HNRNPA1L2: variants seen among roughly 807,000 people sequenced by gnomAD.
HNRNPA1L2 encodes the protein heterogeneous nuclear ribonucleoprotein A1-like 2.
In HNRNPA1L2, 10 loss-of-function variants were observed where a neutral mutation model predicts 18.2. The ratio of observed to expected loss-of-function variants is 0.55; its 90% CI spans 0.34 to 0.93. HNRNPA1L2 has a LOEUF of 0.93. Among genes scored for constraint, HNRNPA1L2 ranks in the 40% least tolerant of loss-of-function variants. The probability of loss-of-function intolerance (pLI) is 0.02; values close to 1 mark genes in which losing one functional copy is unlikely to be tolerated. For synonymous variants in HNRNPA1L2, 124 were observed against 138.6 expected, an observed-to-expected ratio of 0.89 and a Z score of 0.74; for missense variants, 308 against 394.4, an observed-to-expected ratio of 0.78 and a Z score of 1.85.
At chr13:52,635,345 G>A in the HNRNPA1L2 span, among the ~76,000 whole-genome samples, 1 of 151,388 alleles carries the variant, frequency 6.6e-6, no homozygotes, top group Non-Finnish European at 1.5e-5. Context: ...TACACCTCTA[G>A]CCCAGAAAGA....
chr13:52,626,649 T>C, the HNRNPA1L2 span, among the ~76,000 whole-genome samples: 1 of 152,082 alleles, frequency 6.6e-6, no homozygotes, highest in Non-Finnish European at 1.5e-5. Flanking sequence ...TCTTGTATTA[T>C]ATATACCTTC....
At chr13:52,617,709 C>A in the HNRNPA1L2 span, 6 of 435,554 alleles carry the variant, frequency 1.4e-5, no homozygotes, top group Non-Finnish European at 2.5e-5. Flanking sequence ...CTTTTGGCTC[C>A]GCAGGTCCTC....
At chr13:52,634,902 G>A in the HNRNPA1L2 span, among the ~76,000 whole-genome samples, 1 of 152,220 alleles carries the variant, frequency 6.6e-6, no homozygotes, top group Non-Finnish European at 1.5e-5. Context: ...TGAAAAAAGT[G>A]TGAGGCACAG....
upstream of HNRNPA1L2, among the ~76,000 whole-genome samples, chr13:52,638,921 C>T (rs1433242645): frequency 6.6e-6 from 1 of 152,128 alleles, no homozygotes; most frequent in African/African-American, 2.4e-5. Flanking sequence ...TTTAAAAATC[C>T]TGTCAGCTGC....
At chr13:52,630,789 TA>T in the HNRNPA1L2 span, among the ~76,000 whole-genome samples, 1 of 152,192 alleles carries the variant, frequency 6.6e-6, no homozygotes, top group African/African-American at 2.4e-5. Context: ...ATTACTAATT[TA>T]AAGTGATTTA....
chr13:52,632,853 C>G, the HNRNPA1L2 span, among the ~76,000 whole-genome samples: 18 of 152,294 alleles, frequency 1.2e-4, no homozygotes, highest in African/African-American at 3.6e-4. Context: ...AACTGTTTTC[C>G]TTGATATGTT....
At chr13:52,628,165 A>G in the HNRNPA1L2 span, among the ~76,000 whole-genome samples, 1 of 152,164 alleles carries the variant, frequency 6.6e-6, no homozygotes, top group Non-Finnish European at 1.5e-5. Flanking sequence ...AGAAATGGCC[A>G]TGTGTGGTGG....
upstream of HNRNPA1L2, among the ~76,000 whole-genome samples, chr13:52,639,886 T>TTG (rs202131736): frequency 1.1e-4 from 13 of 113,254 alleles, 1 homozygote; most frequent in African/African-American, 3.7e-4. Context: ...GTTTTTTTTT[T>TTG]TTTTTTTTTG....
chr13:52,622,954 C>G, the HNRNPA1L2 span, among the ~76,000 whole-genome samples: 1 of 151,944 alleles, frequency 6.6e-6, no homozygotes, highest in Admixed American at 6.6e-5. Flanking sequence ...ACTGACTTCC[C>G]TTATCAGAAC....
upstream of HNRNPA1L2, among the ~76,000 whole-genome samples, chr13:52,639,898 T>TTTTTTTTTTG (rs1961599227): frequency 7.3e-6 from 1 of 137,132 alleles, no homozygotes. Context: ...TTTTTTTTGT[T>TTTTTTTTTTG]TTTTTTTTTT....
chr13:52,641,052 T>A (rs1961640022), upstream of HNRNPA1L2: 1 of 152,200 alleles, frequency 6.6e-6, no homozygotes, highest in African/African-American at 2.4e-5. Context: ...CTGAACAGGG[T>A]TTACAAGGAC....
At chr13:52,620,042 T>C in the HNRNPA1L2 span, among the ~76,000 whole-genome samples, 1 of 152,160 alleles carries the variant, frequency 6.6e-6, no homozygotes, top group Non-Finnish European at 1.5e-5. Flanking sequence ...GTTTTTTCAT[T>C]CTAATTTTAA....
chr13:52,638,538 TG>T (rs1961536027), upstream of HNRNPA1L2, among the ~76,000 whole-genome samples: 1 of 152,224 alleles, frequency 6.6e-6, no homozygotes, highest in Non-Finnish European at 1.5e-5. Context: ...TTAAGATTCT[TG>T]TCTTACCACT....
At chr13:52,628,229 G>A in the HNRNPA1L2 span, among the ~76,000 whole-genome samples, 5 of 152,250 alleles carry the variant, frequency 3.3e-5, no homozygotes, top group East Asian at 9.7e-4. Context: ...GATCACTTGA[G>A]GCCAGGAATT....
the HNRNPA1L2 span, among the ~76,000 whole-genome samples, chr13:52,623,540 C>G: frequency 6.6e-6 from 1 of 152,110 alleles, no homozygotes; most frequent in South Asian, 2.1e-4. Flanking sequence ...GGCTTTGGTC[C>G]TACATCAAAA....
upstream of HNRNPA1L2, among the ~76,000 whole-genome samples, chr13:52,639,034 T>A (rs1961554719): frequency 6.6e-6 from 1 of 152,224 alleles, no homozygotes; most frequent in Admixed American, 6.5e-5. Flanking sequence ...TTAGGCATGG[T>A]ATCTGGCATA....
chr13:52,630,484 A>G, the HNRNPA1L2 span, among the ~76,000 whole-genome samples: 1 of 152,090 alleles, frequency 6.6e-6, no homozygotes, highest in Non-Finnish European at 1.5e-5. Context: ...CATGTTGGCC[A>G]GGCTGGTAAC....
At chr13:52,634,866 CATCT>C in the HNRNPA1L2 span, among the ~76,000 whole-genome samples, 2 of 152,140 alleles carry the variant, frequency 1.3e-5, no homozygotes, top group African/African-American at 4.8e-5. Flanking sequence ...TTAGTATGTA[CATCT>C]GAAGGATCAA....
chr13:52,634,815 G>A, the HNRNPA1L2 span, among the ~76,000 whole-genome samples: 2 of 151,678 alleles, frequency 1.3e-5, no homozygotes, highest in Admixed American at 6.6e-5. Flanking sequence ...TTCAAATTCC[G>A]ATTCTGCCTC....
Sources: gnomAD v4.1 joint callset for allele counts (sites outside exome capture counted in the v4.1 genomes callset) on GRCh38, gnomAD v4.1.1 for gene constraint, MANE v1.5 for transcripts, NCBI Gene and HGNC (gene_info 2026-07-23, HGNC 2026-07-21) for gene names.